Variants in CDH18 observed in about 807,000 individuals in gnomAD.
CDH18 encodes the protein cadherin 18.
A neutral mutation model predicts 67.9 loss-of-function variants in CDH18; 31 were observed. That is an observed-to-expected ratio of 0.46 (90% CI 0.34 to 0.62). The LOEUF (loss-of-function observed/expected upper bound fraction) is 0.62, where lower values mean the gene tolerates loss of function less well. CDH18 is among the 20% of genes least tolerant of loss of function. The pLI is 0.01. For missense variants in CDH18, 890 were observed against 975.5 expected (o/e 0.91, Z 1.17); for synonymous variants, 362 against 347.2 (o/e 1.04, Z -0.48).
At chr5:20,566,526 A>AT (rs33950954) in intron 1 of CDH18, among the ~76,000 whole-genome samples, 16,096 of 97,498 alleles carry the variant, frequency 0.17, 1,291 homozygotes, top group Non-Finnish European at 0.19. Flanking sequence ...TGCCCAGCTA[A>AT]TTTTTTTTTT....
intron 3 of CDH18, among the ~76,000 whole-genome samples, chr5:19,752,238 A>G (rs1257673635): frequency 1.3e-5 from 2 of 152,148 alleles, no homozygotes; most frequent in Non-Finnish European, 2.9e-5. Flanking sequence ...TGGAAGCACT[A>G]AAGCCCTACT....
At chr5:20,457,213 T>A (rs1419976856) in intron 1 of CDH18, among the ~76,000 whole-genome samples, 2 of 152,156 alleles carry the variant, frequency 1.3e-5, no homozygotes, top group African/African-American at 4.8e-5. Flanking sequence ...AAGAATACTT[T>A]AAAGTTTTGA....
intron 1 of CDH18, among the ~76,000 whole-genome samples, chr5:20,543,049 C>G (rs1242409875): frequency 4.0e-5 from 6 of 151,870 alleles, no homozygotes. Flanking sequence ...GATTGTTTTG[C>G]TGGCAAACTT....
intron 1 of CDH18, among the ~76,000 whole-genome samples, chr5:20,504,049 AAAG>A (rs1383441656): frequency 6.6e-6 from 1 of 151,894 alleles, no homozygotes; most frequent in African/African-American, 2.4e-5. Flanking sequence ...AAAAAAAAAA[AAAG>A]AGAGAGAGAG....
At chr5:20,274,135 G>A (rs921887038) in intron 1 of CDH18, among the ~76,000 whole-genome samples, 2 of 152,094 alleles carry the variant, frequency 1.3e-5, no homozygotes, top group Admixed American at 1.3e-4. Context: ...AAAGAGAAAG[G>A]TACATATTAG....
At chr5:19,549,133 C>T (rs1366691263) in intron 8 of CDH18, among the ~76,000 whole-genome samples, 2 of 152,092 alleles carry the variant, frequency 1.3e-5, no homozygotes, top group Admixed American at 6.5e-5. Flanking sequence ...ATATTAAAAG[C>T]TAATTCCCAA....
In CDH18 at chr5:19,960,569, G is replaced by A. The variant is rs868107056; in HGVS notation, c.-257+20491C>T. Among the ~76,000 whole-genome samples, 98 of 125,030 alleles carry A rather than the reference G, an allele frequency of 7.8e-4. 2 individuals are homozygous for A. Among genetic ancestry groups the A allele is most frequent in the African/African-American group, 3.7e-3 (90 of 24,540 alleles). The allele number at this position is 125,030 out of a possible 152,430, so 82.0% of individuals were successfully genotyped here. A position where few individuals can be genotyped will look rare whatever the true frequency, so the allele number is the denominator to read the frequency against. Reference sequence around the variant, plus strand: ...TACGTGTGTGTGTGTGTATGTGTGTGTGTGTGTGTGTGTGTGTGTGTATAT... The same window carrying A: ...TACGTGTGTGTGTGTGTATGTGTGTATGTGTGTGTGTGTGTGTGTGTATAT... On this transcript the variant is annotated intron_variant, in intron 2 of 12. Coordinates refer to ENST00000382275, the MANE Select transcript of CDH18 (RefSeq NM_004934.5).
intron 1 of CDH18, among the ~76,000 whole-genome samples, chr5:20,282,684 T>C (rs1392739463): frequency 6.6e-6 from 1 of 152,132 alleles, no homozygotes; most frequent in African/African-American, 2.4e-5. Context: ...TCTCTTTTTT[T>C]GCTGTGTCTC....
intron 2 of CDH18, among the ~76,000 whole-genome samples, chr5:20,209,637 C>T (rs2126368364): frequency 6.6e-6 from 1 of 151,804 alleles, no homozygotes; most frequent in South Asian, 2.1e-4. Flanking sequence ...CCAATGAGTA[C>T]AAATATATAA....
At chr5:19,496,874 A>T (rs1289726164) in intron 11 of CDH18, among the ~76,000 whole-genome samples, 1 of 149,804 alleles carries the variant, frequency 6.7e-6, no homozygotes. Context: ...CTGTCCTGCC[A>T]CATAAAGAAA....
At chr5:20,532,476 T>C (rs1052462354) in intron 1 of CDH18, among the ~76,000 whole-genome samples, 18 of 152,074 alleles carry the variant, frequency 1.2e-4, no homozygotes, top group African/African-American at 4.3e-4. Context: ...TGTTTTCCTA[T>C]ATTATACTAT....
chr5:20,539,290 C>T (rs779970774), intron 1 of CDH18, among the ~76,000 whole-genome samples: 1 of 152,186 alleles, frequency 6.6e-6, no homozygotes, highest in Non-Finnish European at 1.5e-5. Context: ...AACAAATCAT[C>T]GTCTGTGAGA....
At chr5:19,686,833 A>T (rs980651682) in intron 5 of CDH18, among the ~76,000 whole-genome samples, 1 of 152,160 alleles carries the variant, frequency 6.6e-6, no homozygotes, top group Non-Finnish European at 1.5e-5. Flanking sequence ...AAAAAAAAAT[A>T]AAAAATTATT....
chr5:19,661,782 T>C (rs1196117203), intron 5 of CDH18, among the ~76,000 whole-genome samples: 2 of 152,086 alleles, frequency 1.3e-5, no homozygotes, highest in Non-Finnish European at 2.9e-5. Context: ...CTGACCCATA[T>C]ACACTCAAGC....
chr5:19,635,770 A>C (rs1408307963), intron 5 of CDH18, among the ~76,000 whole-genome samples: 1 of 152,160 alleles, frequency 6.6e-6, no homozygotes. Context: ...GTTTCTAAAC[A>C]TAATTTTGAA....
intron 9 of CDH18, among the ~76,000 whole-genome samples, chr5:19,527,039 C>T (rs907326434): frequency 1.3e-5 from 2 of 151,886 alleles, no homozygotes; most frequent in African/African-American, 2.4e-5. Flanking sequence ...AAATTTAGAA[C>T]TAAAATTACT....
intron 2 of CDH18, among the ~76,000 whole-genome samples, chr5:20,247,464 G>A (rs1338974848): frequency 6.6e-6 from 1 of 152,098 alleles, no homozygotes; most frequent in Non-Finnish European, 1.5e-5. Context: ...TTGGTATTCT[G>A]TAATAGATGA....
intron 1 of CDH18, among the ~76,000 whole-genome samples, chr5:20,447,314 G>A (rs147826396): frequency 4.6e-4 from 70 of 151,572 alleles, no homozygotes; most frequent in Middle Eastern, 3.4e-3. Flanking sequence ...ATTAAGAGGC[G>A]AAGCCTTTAA....
intron 1 of CDH18, among the ~76,000 whole-genome samples, chr5:20,264,739 A>G (rs1744903799): frequency 6.6e-6 from 1 of 152,140 alleles, no homozygotes; most frequent in African/African-American, 2.4e-5. Context: ...AATAAGTCCA[A>G]TATTTTACAT....
Sources: allele counts gnomAD v4.1 joint callset (sites outside exome capture counted in the v4.1 genomes callset), GRCh38; gene constraint gnomAD v4.1.1; transcripts MANE v1.5; gene names NCBI Gene and HGNC (gene_info 2026-07-23, HGNC 2026-07-21).